Variants in EPHA6 observed in about 807,000 individuals in gnomAD.
The protein encoded by EPHA6 is EPH receptor A6.
A neutral mutation model predicts 112.0 loss-of-function variants in EPHA6; 50 were observed. The observed-to-expected ratio is 0.45, with a 90% CI of 0.36 to 0.56. The LOEUF is 0.56. Among genes scored for constraint, EPHA6 ranks in the 20% least tolerant of loss-of-function variants. The pLI is 0.00. For missense variants in EPHA6, 1,280 were observed against 1,417.4 expected (o/e 0.90, Z 1.56); for synonymous variants, 529 against 490.7 (o/e 1.08, Z -1.03).
chr3:97,166,367 T>C (rs7616052), intron 3 of EPHA6, among the ~76,000 whole-genome samples: 1 of 143,222 alleles, frequency 7.0e-6, no homozygotes, highest in Non-Finnish European at 1.5e-5. Flanking sequence ...TACTTGTTTT[T>C]AAAAAAAAAA....
intron 1 of EPHA6, among the ~76,000 whole-genome samples, chr3:96,835,812 A>G (rs1576097064): frequency 1.3e-5 from 2 of 152,108 alleles, no homozygotes; most frequent in Admixed American, 6.6e-5. Flanking sequence ...ATTATTAAGT[A>G]TGTAGTAGAC....
chr3:97,226,181 ATAAAT>A (rs1285738739), intron 3 of EPHA6, 78 bp from the exon 4 acceptor site: 59 of 1,110,136 alleles, frequency 5.3e-5, no homozygotes, highest in Middle Eastern at 6.2e-4. Flanking sequence ...CAATGTGAAT[ATAAAT>A]TAAAGTATGT....
At chr3:97,003,836 T>A (rs2043773639) in intron 3 of EPHA6, among the ~76,000 whole-genome samples, 1 of 130,714 alleles carries the variant, frequency 7.7e-6, no homozygotes, top group South Asian at 2.8e-4. Flanking sequence ...CCCCTCCCTG[T>A]GTCCACGTGT....
intron 3 of EPHA6, among the ~76,000 whole-genome samples, chr3:97,112,166 C>T (rs2047743573): frequency 6.6e-6 from 1 of 152,050 alleles, no homozygotes; most frequent in South Asian, 2.1e-4. Context: ...AAAACAAAGA[C>T]AATTTTCATC....
At chr3:97,439,000 G>A (rs955142463) in intron 6 of EPHA6, among the ~76,000 whole-genome samples, 21 of 152,044 alleles carry the variant, frequency 1.4e-4, no homozygotes, top group African/African-American at 2.2e-4. Flanking sequence ...AAAGCAGTTC[G>A]TTATCTATAT....
At chr3:97,484,137 A>G in intron 10 of EPHA6, 78 bp downstream of exon 10, 1 of 1,362,762 alleles carries the variant, frequency 7.3e-7, no homozygotes, top group Non-Finnish European at 9.7e-7. Flanking sequence ...ACTATCTTAA[A>G]TCTTGGCAGT....
intron 12 of EPHA6, among the ~76,000 whole-genome samples, chr3:97,598,823 T>A (rs958460147): frequency 6.6e-6 from 1 of 151,940 alleles, no homozygotes; most frequent in Non-Finnish European, 1.5e-5. Context: ...TAGTTCTAGA[T>A]CCCTGAAGAA....
chr3:97,331,195 C>T (rs374954641), intron 5 of EPHA6, among the ~76,000 whole-genome samples: 8 of 152,110 alleles, frequency 5.3e-5, no homozygotes, highest in African/African-American at 1.4e-4. Context: ...TCTTTGAAAC[C>T]AGCGAGAACA....
intron 2 of EPHA6, among the ~76,000 whole-genome samples, chr3:96,958,951 T>C (rs111391687): frequency 2.1e-4 from 32 of 152,372 alleles, no homozygotes; most frequent in African/African-American, 7.2e-4. Context: ...TTTTCTAGTA[T>C]GAGTAATGCC....
chr3:97,506,168 C>A (rs1463872657), intron 10 of EPHA6, among the ~76,000 whole-genome samples: 1 of 152,160 alleles, frequency 6.6e-6, no homozygotes, highest in African/African-American at 2.4e-5. Flanking sequence ...CTTTGCTGTG[C>A]ACACACTCTT....
At chr3:97,112,882 A>G (rs1013951637) in intron 3 of EPHA6, among the ~76,000 whole-genome samples, 13 of 152,078 alleles carry the variant, frequency 8.5e-5, no homozygotes, top group African/African-American at 3.1e-4. Context: ...TAGTCTCTAA[A>G]TTTCCTTGAT....
chr3:97,152,771 G>C (rs1400723141), intron 3 of EPHA6, among the ~76,000 whole-genome samples: 1 of 152,106 alleles, frequency 6.6e-6, no homozygotes, highest in African/African-American at 2.4e-5. Context: ...AGGGCAATAA[G>C]AAGGAAAGCC....
At chr3:97,283,185 TCAA>T (rs1413926923) in intron 5 of EPHA6, among the ~76,000 whole-genome samples, 2 of 152,322 alleles carry the variant, frequency 1.3e-5, no homozygotes, top group East Asian at 3.9e-4. Context: ...TTTCAAACTG[TCAA>T]CAACTTTTTT....
chr3:97,025,063 A>T (rs1207410494), intron 3 of EPHA6, among the ~76,000 whole-genome samples: 2 of 152,192 alleles, frequency 1.3e-5, no homozygotes, highest in Non-Finnish European at 2.9e-5. Context: ...AGATTGACTG[A>T]GTTCTAAGCT....
intron 10 of EPHA6, among the ~76,000 whole-genome samples, chr3:97,512,876 G>A (rs1459406103): frequency 6.6e-6 from 1 of 152,098 alleles, no homozygotes; most frequent in Non-Finnish European, 1.5e-5. Flanking sequence ...AATACTGATT[G>A]TTTTTATTTC....
rs1448194671 is a variant in EPHA6 at position 97,748,726 on chromosome 3, G to A, written c.*25G>A. The A allele has an allele frequency of 1.6e-6, 2 of 1,247,840 alleles. No individual in the cohort carries two copies. Among genetic ancestry groups the A allele is most frequent in the Non-Finnish European group, 2.4e-6 (2 of 849,576 alleles). The allele number at this position is 1,247,840 out of a possible 1,614,324, so 77.3% of individuals were successfully genotyped here. Reference sequence around the variant, plus strand: ...AAAGTACCACAAGCACCTGTGTTTTGTGCCTCAGCATTTCTAAAATGAACG... The same window carrying A: ...AAAGTACCACAAGCACCTGTGTTTTATGCCTCAGCATTTCTAAAATGAACG... On this transcript the variant is annotated 3_prime_UTR_variant, in exon 18 of 18. Transcript: ENST00000389672.
At position 96,845,573 on chromosome 3, in the gene EPHA6, A is replaced by G. The variant is rs117628321; in HGVS notation, c.386-21252A>G. Among the ~76,000 whole-genome samples the G allele has an allele frequency of 1.4e-4, 22 of 152,114 alleles. No individual in the cohort carries two copies. The East Asian group carries it at 4.3e-3, about 29-fold the overall frequency. ...TTCCTTGTTTGTTCTGCCTGTCTTA[A>G]CTTCCTGACACCCATCAATGAATTT... On this transcript the variant is annotated intron_variant, in intron 1 of 17. Coordinates refer to ENST00000389672, the MANE Select transcript of EPHA6 (RefSeq NM_001080448.3).
chr3:96,856,270 A>C (rs990146742), intron 1 of EPHA6, among the ~76,000 whole-genome samples: 1 of 152,120 alleles, frequency 6.6e-6, no homozygotes, highest in South Asian at 2.1e-4. Context: ...GCAGTTTATG[A>C]CAGAAGCAAC....
intron 9 of EPHA6, among the ~76,000 whole-genome samples, chr3:97,480,230 TA>T (rs1489417141): frequency 1.6e-4 from 16 of 102,774 alleles, no homozygotes; most frequent in African/African-American, 9.5e-4. Context: ...TCTTTTTATT[TA>T]TTTATTTTTT....
Sources: allele counts gnomAD v4.1 joint callset (sites outside exome capture counted in the v4.1 genomes callset), GRCh38; gene constraint gnomAD v4.1.1; transcripts MANE v1.5; gene names NCBI Gene and HGNC (gene_info 2026-07-23, HGNC 2026-07-21).